The following OCA2 variants were observed in gnomAD, a reference collection of about 807,000 sequenced individuals.
The protein encoded by OCA2 is OCA2 melanosomal transmembrane protein, also known as P protein.
Under a neutral mutation model 100.2 loss-of-function variants are expected in OCA2, and 77 were observed. The ratio of observed to expected loss-of-function variants is 0.77; its 90% CI spans 0.64 to 0.93. The LOEUF (loss-of-function observed/expected upper bound fraction) is 0.93, where lower values mean the gene tolerates loss of function less well. OCA2 is among the 40% of genes least tolerant of loss of function. The pLI is 0.00. For synonymous variants in OCA2, 432 were observed against 439.2 expected, an observed-to-expected ratio of 0.98 and a Z score of 0.21; for missense variants, 1,062 against 1,089.1, an observed-to-expected ratio of 0.98 and a Z score of 0.35.
At position 27,788,074 on chromosome 15, in the gene OCA2, T is replaced by C. The variant is rs1370922269; in HGVS notation, c.2433-32602A>G. Among the ~76,000 whole-genome samples, 6 of 152,098 alleles carry C rather than the reference T, an allele frequency of 3.9e-5. No homozygotes were observed. The East Asian group carries it at 1.2e-3, about 29-fold the overall frequency. ...GTTCATTTCTAATTCAGTTCTATTG[T>C]GGTCAGATGACATACTTTGTATAAT... On this transcript the variant is annotated intron_variant, in intron 23 of 23. Transcript: ENST00000354638.
chr15:27,870,940 C>A (rs1283701127), intron 21 of OCA2, among the ~76,000 whole-genome samples: 4 of 152,036 alleles, frequency 2.6e-5, no homozygotes. Flanking sequence ...GACGTGCTGT[C>A]CACGGCAGCT....
intron 9 of OCA2, among the ~76,000 whole-genome samples, chr15:27,996,957 C>T (rs1462354485): frequency 1.3e-5 from 2 of 149,290 alleles, no homozygotes; most frequent in African/African-American, 4.9e-5. Context: ...GCTGGTGTTA[C>T]CCTTCATACC....
intron 19 of OCA2, among the ~76,000 whole-genome samples, chr15:27,901,845 C>G (rs2037950236): frequency 6.6e-6 from 1 of 152,198 alleles, no homozygotes; most frequent in Non-Finnish European, 1.5e-5. Context: ...CAATAGGGCC[C>G]TGCTCACCTG....
chr15:27,962,819 C>T (rs1034428839), intron 15 of OCA2, among the ~76,000 whole-genome samples: 2 of 152,064 alleles, frequency 1.3e-5, no homozygotes, highest in South Asian at 2.1e-4. Flanking sequence ...TCACTAAGCA[C>T]ATTAAATATA....
chr15:28,057,109 A>C (rs1181961630), intron 2 of OCA2, among the ~76,000 whole-genome samples: 1 of 152,250 alleles, frequency 6.6e-6, no homozygotes, highest in African/African-American at 2.4e-5. Flanking sequence ...TGATAGCATA[A>C]AATAGAACAC....
intron 2 of OCA2, among the ~76,000 whole-genome samples, chr15:28,052,809 C>A (rs2043556867): frequency 6.6e-6 from 1 of 152,142 alleles, no homozygotes; most frequent in East Asian, 1.9e-4. Context: ...CAGAATGTTA[C>A]CAATAATTCC....
intron 19 of OCA2, among the ~76,000 whole-genome samples, chr15:27,876,051 C>T (rs928818704): frequency 6.6e-6 from 1 of 152,014 alleles, no homozygotes; most frequent in African/African-American, 2.4e-5. Flanking sequence ...CCCTTCAGTA[C>T]ATTGACTGTT....
intron 3 of OCA2, 131 bp from the exon 4 acceptor site, chr15:28,028,190 G>GTCCTT: frequency 1.9e-6 from 2 of 1,036,742 alleles, no homozygotes; most frequent in Non-Finnish European, 2.9e-6. Flanking sequence ...ACAGACAGTG[G>GTCCTT]TGCACTCTCA....
At chr15:28,008,177 T>C (rs2042142001) in intron 9 of OCA2, among the ~76,000 whole-genome samples, 1 of 152,084 alleles carries the variant, frequency 6.6e-6, no homozygotes, top group South Asian at 2.1e-4. Context: ...AAAAGTAGAG[T>C]AGAGTTTCCT....
chr15:28,046,554 C>T (rs1024931628), intron 2 of OCA2, among the ~76,000 whole-genome samples: 2 of 152,112 alleles, frequency 1.3e-5, no homozygotes. Context: ...CCTACCATGC[C>T]CCATGGGCTG....
At chr15:27,794,732 A>G (rs1286127732) in intron 23 of OCA2, among the ~76,000 whole-genome samples, 1 of 152,146 alleles carries the variant, frequency 6.6e-6, no homozygotes, top group Non-Finnish European at 1.5e-5. Context: ...TAAAAATGAC[A>G]TGCTGTTCAG....
chr15:27,942,723 A>C (rs190521521), intron 18 of OCA2, among the ~76,000 whole-genome samples: 27 of 152,268 alleles, frequency 1.8e-4, no homozygotes, highest in Non-Finnish European at 2.2e-4. Context: ...CCATGATTTC[A>C]TTTCTTCAGT....
chr15:27,728,146 A>C, the OCA2 span, among the ~76,000 whole-genome samples: 1 of 152,238 alleles, frequency 6.6e-6, no homozygotes, highest in Non-Finnish European at 1.5e-5. Context: ...AGGCAAGGGT[A>C]GGACTCTGAC....
At chr15:27,839,274 T>C (rs2035262576) in intron 23 of OCA2, among the ~76,000 whole-genome samples, 1 of 152,104 alleles carries the variant, frequency 6.6e-6, no homozygotes, top group African/African-American at 2.4e-5. Context: ...AGAAACATTT[T>C]AGAAAATAAG....
chr15:27,847,237 C>T (rs2035569849), intron 22 of OCA2, among the ~76,000 whole-genome samples: 1 of 152,180 alleles, frequency 6.6e-6, no homozygotes, highest in Admixed American at 6.5e-5. Context: ...AGCACTTAGA[C>T]ACGTGTGCGA....
In OCA2 at chr15:27,828,264, G is replaced by A. The variant is rs75100699; in HGVS notation, c.2432+16695C>T. 4.5e-3 allele frequency among the ~76,000 whole-genome samples: 681 copies of A among 152,220 alleles called. 6 individuals are homozygous for A. Among genetic ancestry groups the A allele is most frequent in the African/African-American group, 0.015 (642 of 41,532 alleles). ...CGCTCTTGGCCAGCTGTCCCTGTCG[G>A]GGACTTATAGTACCAATGTTCCCAA... On this transcript the variant is annotated intron_variant, in intron 23 of 23. Coordinates refer to ENST00000354638, the MANE Select transcript of OCA2 (RefSeq NM_000275.3).
At chr15:28,036,251 GGT>G (rs2043042159) in intron 2 of OCA2, among the ~76,000 whole-genome samples, 1 of 152,108 alleles carries the variant, frequency 6.6e-6, no homozygotes, top group African/African-American at 2.4e-5. Flanking sequence ...TGTGAGTCCT[GGT>G]AGATAACTCT....
At chr15:27,992,791 G>C (rs1431870041) in intron 9 of OCA2, among the ~76,000 whole-genome samples, 1 of 152,138 alleles carries the variant, frequency 6.6e-6, no homozygotes, top group Non-Finnish European at 1.5e-5. Flanking sequence ...TAACCTTTGG[G>C]CTAACTTTGT....
intron 9 of OCA2, among the ~76,000 whole-genome samples, chr15:28,006,329 G>C (rs1399046621): frequency 1.3e-5 from 2 of 152,216 alleles, no homozygotes; most frequent in African/African-American, 4.8e-5. Flanking sequence ...GCATGTGCAG[G>C]AACAGCCAAG....
Sources: allele counts gnomAD v4.1 joint callset (sites outside exome capture counted in the v4.1 genomes callset), GRCh38; gene constraint gnomAD v4.1.1; transcripts MANE v1.5; gene names NCBI Gene and HGNC (gene_info 2026-07-23, HGNC 2026-07-21).